NOSTRIN: variants seen among roughly 807,000 people sequenced by gnomAD.
NOSTRIN encodes the protein nitric oxide synthase trafficking, also known as BM247 homolog.
NOSTRIN carries 63 observed loss-of-function variants against 59.0 expected under a neutral mutation model. The observed-to-expected ratio is 1.07, with a 90% CI of 0.87 to 1.32. NOSTRIN has a LOEUF of 1.32. Ranked by LOEUF, NOSTRIN falls within the 40% of genes most tolerant of loss-of-function variation. The probability of loss-of-function intolerance (pLI) is 0.00; values close to 1 mark genes in which losing one functional copy is unlikely to be tolerated. For missense variants in NOSTRIN, 512 were observed against 473.1 expected (o/e 1.08, Z -0.76); for synonymous variants, 200 against 165.4 (o/e 1.21, Z -1.61).
chr2:168,844,094 C>CAGATTGTG (rs1688258204), intron 8 of NOSTRIN, among the ~76,000 whole-genome samples: 1 of 152,240 alleles, frequency 6.6e-6, no homozygotes, highest in Admixed American at 6.5e-5. Flanking sequence ...AAATATACCA[C>CAGATTGTG]TTACACAATC....
chr2:168,857,575 G>A (rs921565740), intron 12 of NOSTRIN, among the ~76,000 whole-genome samples: 36 of 152,346 alleles, frequency 2.4e-4, no homozygotes, highest in African/African-American at 7.9e-4. Flanking sequence ...CACTTCAGAG[G>A]AAGGGAAAGG....
upstream of NOSTRIN, among the ~76,000 whole-genome samples, chr2:168,798,511 G>A (rs1199492395): frequency 6.6e-6 from 1 of 152,186 alleles, no homozygotes; most frequent in East Asian, 1.9e-4. Context: ...GCAGCTTCCA[G>A]GCCAGACCCT....
rs1689321661 is a variant in NOSTRIN, at chr2:168,859,646, T to C, written c.1179+9T>C. ...TCAGGTGGAGGGAAAAGGTAACATT[T>C]AAGGAGACTGGTTGTAATTTCTTGA... On this transcript the variant is annotated intron_variant, in intron 13 of 15. Transcript: ENST00000317647. 1 of 1,613,266 alleles carries C rather than the reference T, an allele frequency of 6.2e-7. No individual in the cohort carries two copies. The highest frequency in any genetic ancestry group is 1.3e-5 in the African/African-American group (1 of 74,934).
chr2:168,827,503 C>A (rs930991905), intron 3 of NOSTRIN, among the ~76,000 whole-genome samples: 6 of 152,054 alleles, frequency 3.9e-5, no homozygotes, highest in Non-Finnish European at 7.4e-5. Context: ...CTATGACCAA[C>A]CTGTTCTCAT....
chr2:168,796,094 G>A (rs1685470917), upstream of NOSTRIN, among the ~76,000 whole-genome samples: 1 of 152,254 alleles, frequency 6.6e-6, no homozygotes, highest in South Asian at 2.1e-4. Context: ...ATCAGAATGA[G>A]ATTGCTTCTA....
chr2:168,841,735 G>C (rs1289835023), intron 7 of NOSTRIN, among the ~76,000 whole-genome samples: 2 of 152,166 alleles, frequency 1.3e-5, no homozygotes, highest in Non-Finnish European at 2.9e-5. Context: ...GAAAATCACT[G>C]ACAAGAGACA....
At chr2:168,807,116 C>T (rs1685892297) in intron 1 of NOSTRIN, among the ~76,000 whole-genome samples, 1 of 152,158 alleles carries the variant, frequency 6.6e-6, no homozygotes, top group Non-Finnish European at 1.5e-5. Context: ...TGGTGGCTTG[C>T]AAACTGTGCT....
At chr2:168,797,466 C>T (rs1000581559), upstream of NOSTRIN, among the ~76,000 whole-genome samples, 12 of 152,128 alleles carry the variant, frequency 7.9e-5, no homozygotes, top group Middle Eastern at 3.4e-3. Context: ...AGCAGTAGTA[C>T]AAAGGCAAGA....
intron 2 of NOSTRIN, among the ~76,000 whole-genome samples, chr2:168,790,186 G>T (rs1424098430): frequency 6.6e-6 from 1 of 152,056 alleles, no homozygotes; most frequent in Admixed American, 6.6e-5. Context: ...GTCTTTTGTA[G>T]CAATAATAAC....
Position 168,851,246 on chromosome 2 carries a change from G to A in NOSTRIN, c.730-33G>A, listed in dbSNP as rs186551341. On this transcript the variant is annotated intron_variant, in intron 9 of 15. Coordinates refer to ENST00000317647, the MANE Select transcript of NOSTRIN (RefSeq NM_001039724.4). ...TAAGAAGGGGCAGAAACCTTTCTTCGACAACCTTATTCTGTTCCCCTTGGC... is the reference window on the plus strand; with the variant it reads ...TAAGAAGGGGCAGAAACCTTTCTTCAACAACCTTATTCTGTTCCCCTTGGC... 5.9e-4 allele frequency: 953 copies of A among 1,613,842 alleles called. 2 individuals carry two copies. The highest frequency in any genetic ancestry group is 2.9e-3 in the Admixed American group (173 of 59,994).
At chr2:168,789,612 C>T (rs988074008) in intron 2 of NOSTRIN, among the ~76,000 whole-genome samples, 1 of 152,086 alleles carries the variant, frequency 6.6e-6, no homozygotes, top group African/African-American at 2.4e-5. Context: ...AGTGTGCCTC[C>T]TATTGATTAA....
chr2:168,853,467 A>C (rs1688891373), intron 10 of NOSTRIN, among the ~76,000 whole-genome samples: 1 of 152,228 alleles, frequency 6.6e-6, no homozygotes, highest in Admixed American at 6.5e-5. Context: ...TCTTTCTAAC[A>C]AATCTTTAGA....
upstream of NOSTRIN, chr2:168,801,017 T>C (rs751471330): frequency 6.6e-6 from 1 of 151,802 alleles, no homozygotes. Context: ...AGTGCTAAGA[T>C]TACAGGTGTG....
chr2:168,846,354 T>C (rs551403402), intron 8 of NOSTRIN, among the ~76,000 whole-genome samples: 24 of 152,350 alleles, frequency 1.6e-4, no homozygotes, highest in Admixed American at 8.5e-4. Flanking sequence ...AAATTGAATA[T>C]AAAAATTCAT....
At chr2:168,822,588 G>C (rs541869193) in intron 2 of NOSTRIN, among the ~76,000 whole-genome samples, 1 of 152,238 alleles carries the variant, frequency 6.6e-6, no homozygotes, top group South Asian at 2.1e-4. Context: ...AAACTCTTAG[G>C]ATCTATATTA....
rs1157561561 is a variant in NOSTRIN, at chr2:168,864,509, A to C, written c.1385-325A>C. On this transcript the variant is annotated intron_variant, in intron 15 of 15. Transcript: ENST00000317647. ...CCATGTTGGTCAGGCTGGTCTCGAA[A>C]CTCCTGACCTTGTGATCCACCCACC... Among the ~76,000 whole-genome samples, 11 of 145,236 alleles carry C rather than the reference A, an allele frequency of 7.6e-5. No individual in the cohort carries two copies. The South Asian group carries it at 2.4e-3, about 32-fold the overall frequency.
At chr2:168,854,795 G>A (rs1030328197) in intron 10 of NOSTRIN, among the ~76,000 whole-genome samples, 9 of 152,076 alleles carry the variant, frequency 5.9e-5, no homozygotes, top group South Asian at 2.1e-4. Flanking sequence ...TAGCATTCGT[G>A]AATGCATGTG....
chr2:168,846,562 C>A lies in NOSTRIN; in HGVS notation c.630+3445C>A, dbSNP rs58019132. Among the ~76,000 whole-genome samples, 184 of 152,300 alleles carry A rather than the reference C, an allele frequency of 1.2e-3. 6 individuals are homozygous for A. In the South Asian group the frequency reaches 0.022, roughly 18 times the overall value. Reference sequence around the variant, plus strand: ...CATGTCAAAATTAGTCTTATTACTTCACAATCATACTGTATTCTAGCCACA... The same window carrying A: ...CATGTCAAAATTAGTCTTATTACTTAACAATCATACTGTATTCTAGCCACA... On this transcript the variant is annotated intron_variant, in intron 8 of 15. Coordinates refer to ENST00000317647, the MANE Select transcript of NOSTRIN (RefSeq NM_001039724.4).
rs1433128701 is a variant in NOSTRIN, at chr2:168,865,143, A to AAGAT, written c.*174_*177dup. The stretch of plus-strand genomic sequence containing the variant: ...TTATTAGCTTGAAACAGTCAGAAAA[A>AAGAT]AGATGGATGGGTGGAGACAGACAAG... On this transcript the variant is annotated 3_prime_UTR_variant, in exon 16 of 16. Transcript: ENST00000317647. 3.7e-5 allele frequency: 26 copies of AAGAT among 703,286 alleles called. No individual in the cohort carries two copies. Among genetic ancestry groups the AAGAT allele is most frequent in the Middle Eastern group, 3.7e-4 (1 of 2,702 alleles). 43.6% of individuals were successfully genotyped at this position (703,286 alleles called of 1,614,324 possible).
Sources: allele counts gnomAD v4.1 joint callset (sites outside exome capture counted in the v4.1 genomes callset), GRCh38; gene constraint gnomAD v4.1.1; transcripts MANE v1.5; gene names NCBI Gene and HGNC (gene_info 2026-07-23, HGNC 2026-07-21).